OPCML: variants seen among roughly 807,000 people sequenced by gnomAD.
OPCML encodes the protein opioid binding protein/cell adhesion molecule like.
Under a neutral mutation model 37.8 loss-of-function variants are expected in OPCML, and 13 were observed. The observed-to-expected ratio is 0.34, with a 90% CI of 0.22 to 0.55. The LOEUF is 0.55. Among genes scored for constraint, OPCML ranks in the 20% least tolerant of loss-of-function variants. The probability of loss-of-function intolerance (pLI) is 0.91; values close to 1 mark genes in which losing one functional copy is unlikely to be tolerated. For missense variants in OPCML, 341 were observed against 435.6 expected (o/e 0.78, Z 1.93); for synonymous variants, 176 against 168.8 (o/e 1.04, Z -0.33).
Position 133,491,042 on chromosome 11 carries a change from T to C in OPCML, c.61+41222A>G, listed in dbSNP as rs1193585651. Reference sequence around the variant, plus strand: ...CTGACAGAGAGTGAGTAGGTGTTTATTAAACATTTATCGAATGAATGAGTG... The same window carrying C: ...CTGACAGAGAGTGAGTAGGTGTTTACTAAACATTTATCGAATGAATGAGTG... On this transcript the variant is annotated intron_variant, in intron 1 of 7. Transcript: ENST00000524381. 5.3e-5 allele frequency among the ~76,000 whole-genome samples: 8 copies of C among 152,242 alleles called. No homozygotes were observed. The East Asian group carries it at 1.3e-3, about 26-fold the overall frequency.
chr11:132,419,783 CTA>C lies in OPCML; in HGVS notation c.*408_*409del, dbSNP rs2095951046. 5.7e-6 allele frequency: 1 copy of C among 174,288 alleles called. No homozygotes were observed. The highest frequency in any genetic ancestry group is 1.2e-5 in the Non-Finnish European group (1 of 82,976). 10.8% of individuals were successfully genotyped at this position (174,288 alleles called of 1,614,324 possible). A position where few individuals can be genotyped will look rare whatever the true frequency, so the allele number is the denominator to read the frequency against. On this transcript the variant is annotated 3_prime_UTR_variant, in exon 8 of 8. Coordinates refer to ENST00000524381, the MANE Select transcript of OPCML (RefSeq NM_001012393.5). The stretch of plus-strand genomic sequence containing the variant: ...ACTTGGATGTAGCTCTTGCTGTGCA[CTA>C]TGTTATAAGTCAAGTTGTGTCTTCA...
At chr11:132,513,343 C>G (rs2096272923) in intron 4 of OPCML, among the ~76,000 whole-genome samples, 1 of 152,122 alleles carries the variant, frequency 6.6e-6, no homozygotes, top group Non-Finnish European at 1.5e-5. Flanking sequence ...CAACATTCAA[C>G]TATTTTACTA....
chr11:133,335,477 G>A (rs865863513), intron 1 of OPCML, among the ~76,000 whole-genome samples: 3 of 152,108 alleles, frequency 2.0e-5, no homozygotes, highest in Admixed American at 6.5e-5. Flanking sequence ...TGAAGTCAGC[G>A]CCTCTCCTGG....
At chr11:132,719,414 C>G (rs899717907) in intron 2 of OPCML, among the ~76,000 whole-genome samples, 3 of 152,178 alleles carry the variant, frequency 2.0e-5, no homozygotes, top group Non-Finnish European at 2.9e-5. Flanking sequence ...AATGTGTCAA[C>G]GCTGCTCCAG....
intron 1 of OPCML, among the ~76,000 whole-genome samples, chr11:133,149,549 C>T (rs961454502): frequency 3.9e-5 from 6 of 152,322 alleles, no homozygotes; most frequent in Admixed American, 2.6e-4. Flanking sequence ...CCTGATAAGT[C>T]GGTTGCCACC....
intron 1 of OPCML, chr11:133,005,955 T>C (rs1947102022): frequency 1.0e-6 from 1 of 985,306 alleles, no homozygotes; most frequent in Admixed American, 6.1e-5. Flanking sequence ...GTGTGCAGCT[T>C]CCAGGACAAG....
chr11:133,163,144 G>A (rs1280187203), intron 1 of OPCML, among the ~76,000 whole-genome samples: 1 of 152,178 alleles, frequency 6.6e-6, no homozygotes, highest in African/African-American at 2.4e-5. Flanking sequence ...TGTTTCTTGT[G>A]TTTCCGTTTC....
chr11:132,441,446 G>A (rs1038599382), intron 4 of OPCML, among the ~76,000 whole-genome samples: 1 of 152,054 alleles, frequency 6.6e-6, no homozygotes. Flanking sequence ...GGGATTACAG[G>A]CGTGAGCCAC....
intron 1 of OPCML, chr11:133,422,275 TCA>T: frequency 1.0e-6 from 1 of 984,742 alleles, no homozygotes; most frequent in Middle Eastern, 5.2e-4. Context: ...GTCGTGGGAC[TCA>T]CCACTAAACA....
rs71067396 is a variant in OPCML, at chr11:132,796,565, CTTTTTTTTTTTTT to C, written c.147-139259_147-139247del. Among the ~76,000 whole-genome samples, 80 of 88,584 alleles carry C rather than the reference CTTTTTTTTTTTTT, an allele frequency of 9.0e-4. No individual in the cohort carries two copies. The East Asian group carries it at 0.02, about 23-fold the overall frequency. The allele number at this position is 88,584 out of a possible 152,430, so 58.1% of individuals were successfully genotyped here. On this transcript the variant is annotated intron_variant, in intron 2 of 7. Transcript: ENST00000524381. ...TTATTATTATCCACTTTTCTTCTTT[CTTTTTTTTTTTTT>C]TTTTTTTTTTTTTGATACGGAGCCT... is the stretch of plus-strand genomic sequence containing the variant.
intron 3 of OPCML, among the ~76,000 whole-genome samples, chr11:132,530,659 A>G (rs994318214): frequency 2.6e-5 from 4 of 151,924 alleles, no homozygotes; most frequent in Non-Finnish European, 5.9e-5. Context: ...TTCCTCTAAC[A>G]CAGCACATGG....
intron 1 of OPCML, among the ~76,000 whole-genome samples, chr11:133,121,713 A>G (rs556070387): frequency 2.0e-5 from 3 of 152,340 alleles, no homozygotes; most frequent in African/African-American, 4.8e-5. Flanking sequence ...TGATAACACT[A>G]AAGTTCATTT....
At chr11:133,057,632 C>T (rs1260949096) in intron 1 of OPCML, among the ~76,000 whole-genome samples, 1 of 152,220 alleles carries the variant, frequency 6.6e-6, no homozygotes, top group African/African-American at 2.4e-5. Flanking sequence ...TCCCTAGCAA[C>T]TGGTCTGCTA....
At chr11:132,903,672 A>G (rs1238830460) in intron 2 of OPCML, among the ~76,000 whole-genome samples, 3 of 148,060 alleles carry the variant, frequency 2.0e-5, no homozygotes, top group Non-Finnish European at 2.9e-5. Flanking sequence ...TACACAAATA[A>G]AAAAATAAGA....
intron 2 of OPCML, among the ~76,000 whole-genome samples, chr11:132,800,159 T>C (rs1938560920): frequency 6.6e-6 from 1 of 152,230 alleles, no homozygotes; most frequent in Non-Finnish European, 1.5e-5. Context: ...TGTTTATTAC[T>C]AAGTATTTTG....
chr11:132,598,555 C>A (rs1417080278), intron 3 of OPCML, among the ~76,000 whole-genome samples: 1 of 152,118 alleles, frequency 6.6e-6, no homozygotes, highest in Non-Finnish European at 1.5e-5. Context: ...GTTCTTAGCA[C>A]TGCTAAGAAA....
intron 1 of OPCML, among the ~76,000 whole-genome samples, chr11:132,982,867 A>G (rs529429701): frequency 6.6e-6 from 1 of 152,310 alleles, no homozygotes; most frequent in East Asian, 1.9e-4. Flanking sequence ...AGCTCCACTG[A>G]GCCCCCAGCG....
chr11:132,931,952 C>G (rs186771875), intron 2 of OPCML, among the ~76,000 whole-genome samples: 4 of 152,286 alleles, frequency 2.6e-5, no homozygotes, highest in Admixed American at 2.0e-4. Flanking sequence ...GAAAGAAATT[C>G]TGACCCATGC....
At chr11:132,837,382 G>A (rs772272982) in intron 2 of OPCML, among the ~76,000 whole-genome samples, 5 of 152,054 alleles carry the variant, frequency 3.3e-5, no homozygotes, top group South Asian at 2.1e-4. Flanking sequence ...GAAGAGAAGA[G>A]ACTTTCAGTG....
Sources: allele counts gnomAD v4.1 joint callset (sites outside exome capture counted in the v4.1 genomes callset), GRCh38; gene constraint gnomAD v4.1.1; transcripts MANE v1.5; gene names NCBI Gene and HGNC (gene_info 2026-07-23, HGNC 2026-07-21).